LYST: variants seen among roughly 807,000 people sequenced by gnomAD.
The protein encoded by LYST is lysosomal trafficking regulator.
A neutral mutation model predicts 413.6 loss-of-function variants in LYST; 192 were observed. The observed-to-expected ratio is 0.46, with a 90% CI of 0.41 to 0.52. LYST has a LOEUF of 0.52. LYST is among the 20% of genes least tolerant of loss of function. LYST has a pLI of 0.00. For synonymous variants in LYST, 1,525 were observed against 1,567.3 expected (o/e 0.97, Z 0.64); for missense variants, 3,815 against 4,499.9 (o/e 0.85, Z 4.35).
intron 47 of LYST, 132 bp from the exon 48 acceptor site, chr1:235,687,179 T>G (rs927610459): frequency 2.9e-6 from 2 of 689,920 alleles, no homozygotes; most frequent in African/African-American, 3.6e-5. Flanking sequence ...CTCAAAAATG[T>G]TAGGTAAACA....
intron 26 of LYST, 126 bp downstream of exon 26, chr1:235,752,918 G>T: frequency 3.4e-5 from 17 of 504,702 alleles, no homozygotes; most frequent in South Asian, 6.9e-5. Flanking sequence ...TTTTATTTTA[G>T]GTTCAGAGGT....
At chr1:235,741,055 T>C (rs1261559890) in intron 31 of LYST, among the ~76,000 whole-genome samples, 2 of 152,218 alleles carry the variant, frequency 1.3e-5, no homozygotes, top group Admixed American at 1.3e-4. Flanking sequence ...ATATGTTATA[T>C]ATACTGTTGT....
At chr1:235,678,954 T>A (rs1659598159) in intron 48 of LYST, among the ~76,000 whole-genome samples, 1 of 152,220 alleles carries the variant, frequency 6.6e-6, no homozygotes, top group South Asian at 2.1e-4. Context: ...TTGAAATATA[T>A]CTGTGTTGAT....
intron 25 of LYST, among the ~76,000 whole-genome samples, chr1:235,754,947 G>C (rs1386480504): frequency 1.3e-5 from 2 of 151,560 alleles, no homozygotes; most frequent in Admixed American, 6.6e-5. Context: ...GGTGGTGCGT[G>C]CCTGTAATCT....
chr1:235,834,906 A>G (rs1026880260), intron 1 of LYST, among the ~76,000 whole-genome samples: 1 of 152,004 alleles, frequency 6.6e-6, no homozygotes, highest in Non-Finnish European at 1.5e-5. Context: ...TCCTGAGCTA[A>G]TCAATATCAT....
chr1:235,864,552 T>A (rs1680271703), intron 1 of LYST, among the ~76,000 whole-genome samples: 1 of 152,188 alleles, frequency 6.6e-6, no homozygotes, highest in Admixed American at 6.5e-5. Context: ...AGTTCCGGAT[T>A]GGTATCCCAG....
chr1:235,806,853 T>C, intron 5 of LYST, 81 bp from the exon 6 acceptor site: 4 of 916,024 alleles, frequency 4.4e-6, no homozygotes, highest in East Asian at 2.6e-5. Flanking sequence ...ATTTAATATA[T>C]CGCTATTGCA....
chr1:235,809,689 T>C lies in LYST; in HGVS notation c.1129A>G (p.Arg377Gly). ...LEKQPDPFAPRQKKTLQEVQE... is the reference protein window; with the variant it reads ...LEKQPDPFAPGQKKTLQEVQE... ...ACCTCCTGCAGTGTTTTCTTTTGTC[T>C]TGGTGCAAAAGGGTCAGGCTGCTTT... is the stretch of plus-strand genomic sequence containing the variant. The change falls in exon 5 of 53, where the codon AGA (arginine) becomes GGA (glycine). Residue 377 changes from arginine (R) to glycine (G), a missense_variant. Arg to Gly is a moderately radical substitution (Grantham distance 125, BLOSUM62 -2). This residue lies in a region of LYST where 1,648 missense variants were observed against 1,810.3 expected (regional missense o/e 0.91). Coordinates refer to ENST00000389793, the MANE Select transcript of LYST (RefSeq NM_000081.4). This position sits in a 1 kb window ranked among gnomAD's most constrained non-coding sequence, Gnocchi z 4.0. 1 of 1,613,770 alleles carries C rather than the reference T, an allele frequency of 6.2e-7. No individual in the cohort carries two copies. The highest frequency in any genetic ancestry group is 1.1e-5 in the South Asian group (1 of 91,050).
chr1:235,865,988 C>G (rs1478406196), intron 1 of LYST, among the ~76,000 whole-genome samples: 1 of 152,182 alleles, frequency 6.6e-6, no homozygotes, highest in Non-Finnish European at 1.5e-5. Flanking sequence ...AGTGCCGTCG[C>G]TGGGTGTGTA....
At chr1:235,764,090 C>T (rs1273800954) in intron 21 of LYST, among the ~76,000 whole-genome samples, 4 of 152,136 alleles carry the variant, frequency 2.6e-5, no homozygotes, top group African/African-American at 4.8e-5. Context: ...TCTCCTAGTT[C>T]CCTGTCAAGC....
At chr1:235,774,037 A>C (rs769669619) in intron 18 of LYST, 46 bp from the exon 19 acceptor site, 1 of 1,311,386 alleles carries the variant, frequency 7.6e-7, no homozygotes, top group South Asian at 1.2e-5. Flanking sequence ...TAATTGGTTA[A>C]TCAGGAAGTT....
intron 50 of LYST, among the ~76,000 whole-genome samples, chr1:235,666,607 T>TAC (rs10635511): frequency 0.11 from 15,229 of 141,346 alleles, 1,897 homozygotes; most frequent in African/African-American, 0.31. Context: ...CACACACACA[T>TAC]ACACACACAC....
intron 28 of LYST, chr1:235,747,284 G>C (rs375998298): frequency 2.4e-5 from 11 of 452,546 alleles, no homozygotes; most frequent in African/African-American, 2.0e-4. Context: ...GAACCAAAAT[G>C]ATGTCTTGGT....
intron 41 of LYST, 65 bp from the exon 42 acceptor site, chr1:235,715,422 T>C: frequency 6.6e-7 from 1 of 1,524,806 alleles, no homozygotes; most frequent in Non-Finnish European, 9.0e-7. Context: ...AGAAAAGTGC[T>C]GGATGTTTTT....
intron 8 of LYST, among the ~76,000 whole-genome samples, chr1:235,802,308 C>A (rs2102835287): frequency 6.6e-6 from 1 of 151,290 alleles, no homozygotes; most frequent in East Asian, 2.0e-4. Context: ...CCCATCTTTT[C>A]CATTCTACTC....
Position 235,780,938 on chromosome 1 carries a change from T to C in LYST, c.5141A>G (p.Lys1714Arg), listed in dbSNP as rs1389062653. The C allele has an allele frequency of 2.5e-6, 4 of 1,594,544 alleles. No individual in the cohort carries two copies. The highest frequency in any genetic ancestry group is 3.4e-6 in the Non-Finnish European group (4 of 1,166,358). ...GATTTGTTCACATCGCAAAATTTCTTTATTAATATATTTGGAGTAGTCATT... is the reference window on the plus strand; with the variant it reads ...GATTTGTTCACATCGCAAAATTTCTCTATTAATATATTTGGAGTAGTCATT... Reference protein sequence around the residue: ...PVNDYSKYINKEILRCEQIRE... With the variant: ...PVNDYSKYINREILRCEQIRE... The change falls in exon 16 of 53, where the codon AAA becomes AGA. Residue 1714 changes from lysine to arginine, a missense_variant. Around this residue, in one of 4 missense-constraint regions of LYST, gnomAD observed 530 missense variants for 696.5 expected, o/e 0.76. Transcript: ENST00000389793.
intron 7 of LYST, among the ~76,000 whole-genome samples, chr1:235,803,756 C>G (rs1672506847): frequency 6.6e-6 from 1 of 152,020 alleles, no homozygotes; most frequent in African/African-American, 2.4e-5. Context: ...TCAATTAATT[C>G]AGTAATATGA....
chr1:235,850,001 T>C (rs535253336), intron 1 of LYST, among the ~76,000 whole-genome samples: 8 of 152,102 alleles, frequency 5.3e-5, no homozygotes, highest in Admixed American at 1.3e-4. Flanking sequence ...ACCACTATCA[T>C]TCTTCACAGA....
chr1:235,881,600 T>A (rs1400572402), intron 1 of LYST, among the ~76,000 whole-genome samples: 1 of 152,166 alleles, frequency 6.6e-6, no homozygotes, highest in Admixed American at 6.5e-5. Flanking sequence ...ATAAAGAAAA[T>A]GTGATATATT....
Sources: gnomAD v4.1 joint callset for allele counts (sites outside exome capture counted in the v4.1 genomes callset) on GRCh38, gnomAD v4.1.1 for gene constraint, gnomAD v4.1.1 regional missense constraint, Gnocchi (gnomAD v3.1) non-coding constraint, MANE v1.5 for transcripts, NCBI Gene and HGNC (gene_info 2026-07-23, HGNC 2026-07-21) for gene names.